Variants in DAB1 observed in about 807,000 individuals in gnomAD.
The protein encoded by DAB1 is disabled homolog 1.
In DAB1, 15 loss-of-function variants were observed where a neutral mutation model predicts 64.6. That is an observed-to-expected ratio of 0.23 (90% CI 0.16 to 0.36). The LOEUF is 0.36. Among genes scored for constraint, DAB1 ranks in the 10% least tolerant of loss-of-function variants. DAB1 has a pLI of 1.00. For synonymous variants in DAB1, 235 were observed against 251.9 expected (o/e 0.93, Z 0.64); for missense variants, 596 against 706.7 (o/e 0.84, Z 1.78).
At chr1:57,431,809 T>C (rs1425409207) in intron 7 of DAB1, among the ~76,000 whole-genome samples, 2 of 151,964 alleles carry the variant, frequency 1.3e-5, no homozygotes, top group Non-Finnish European at 2.9e-5. Context: ...TGCCTGAAAA[T>C]AGGAGTAGAC....
intron 4 of DAB1, among the ~76,000 whole-genome samples, chr1:58,261,926 T>C (rs927716436): frequency 6.6e-6 from 1 of 152,160 alleles, no homozygotes; most frequent in Non-Finnish European, 1.5e-5. Flanking sequence ...AACCTGTTCA[T>C]GGATTTTTAA....
intron 4 of DAB1, among the ~76,000 whole-genome samples, chr1:57,111,151 C>T (rs1324677563): frequency 6.6e-6 from 1 of 151,738 alleles, no homozygotes; most frequent in Non-Finnish European, 1.5e-5. Flanking sequence ...CCTTGGATGG[C>T]GGATATGGGA....
At position 57,590,499 on chromosome 1, in the gene DAB1, T is replaced by C. The variant is rs143519347; in HGVS notation, n.625+59093A>G. ...CATGCTCAGCTAATTTTTTTGTTTG[T>C]TTTTTGTATTTTTAGTAGAGATGGG... On this transcript the variant is annotated intron_variant and non_coding_transcript_variant, in intron 7 of 20. Transcript: ENST00000485760. 3.2e-3 allele frequency among the ~76,000 whole-genome samples: 485 copies of C among 151,814 alleles called. 5 individuals carry two copies. The highest frequency in any genetic ancestry group is 0.012 in the African/African-American group (476 of 41,380).
At chr1:57,489,460 A>T (rs758477108) in intron 7 of DAB1, among the ~76,000 whole-genome samples, 1 of 152,172 alleles carries the variant, frequency 6.6e-6, no homozygotes, top group Non-Finnish European at 1.5e-5. Flanking sequence ...TTGGTCTTTA[A>T]AACTGTCTTC....
chr1:58,036,854 C>T (rs1211600947), intron 5 of DAB1, among the ~76,000 whole-genome samples: 1 of 152,196 alleles, frequency 6.6e-6, no homozygotes, highest in African/African-American at 2.4e-5. Flanking sequence ...TTATCTTCTT[C>T]TCCCTAGATA....
chr1:58,000,995 C>A (rs567292160), intron 5 of DAB1, among the ~76,000 whole-genome samples: 2 of 151,986 alleles, frequency 1.3e-5, no homozygotes, highest in Admixed American at 1.3e-4. Flanking sequence ...CCCTACCTAC[C>A]CTTTCTTCTC....
At chr1:57,278,989 C>G (rs931954262) in intron 2 of DAB1, among the ~76,000 whole-genome samples, 3 of 152,174 alleles carry the variant, frequency 2.0e-5, no homozygotes, top group Admixed American at 1.3e-4. Flanking sequence ...TAGTAGCTAC[C>G]TTCATCACCA....
chr1:58,111,144 T>A (rs1012242440), intron 5 of DAB1, among the ~76,000 whole-genome samples: 1 of 152,306 alleles, frequency 6.6e-6, no homozygotes, highest in Admixed American at 6.5e-5. Flanking sequence ...CAAATTCAGA[T>A]GGCACCCTAG....
At chr1:57,849,537 C>A (rs1653429951) in intron 1 of DAB1, among the ~76,000 whole-genome samples, 1 of 152,174 alleles carries the variant, frequency 6.6e-6, no homozygotes, top group South Asian at 2.1e-4. Context: ...TTCACAGAGT[C>A]TCAGGATGCA....
chr1:57,131,748 T>C (rs764229150), intron 4 of DAB1, among the ~76,000 whole-genome samples: 3 of 152,182 alleles, frequency 2.0e-5, no homozygotes, highest in Non-Finnish European at 2.9e-5. Flanking sequence ...CACAATTATC[T>C]ATCTATTTTG....
intron 7 of DAB1, among the ~76,000 whole-genome samples, chr1:57,455,752 A>C (rs1686565781): frequency 6.6e-6 from 1 of 152,112 alleles, no homozygotes; most frequent in Non-Finnish European, 1.5e-5. Flanking sequence ...CATCATTCAT[A>C]ATCCTGTTGA....
At chr1:57,626,646 T>C (rs1315382098) in intron 7 of DAB1, among the ~76,000 whole-genome samples, 1 of 152,190 alleles carries the variant, frequency 6.6e-6, no homozygotes, top group Non-Finnish European at 1.5e-5. Context: ...TTTTTCATAG[T>C]TCTGGAGGCT....
Position 58,399,370 on chromosome 1 carries a change from A to G in DAB1, n.258-55967T>C, listed in dbSNP as rs761400214. Among the ~76,000 whole-genome samples, 137 of 152,296 alleles carry G rather than the reference A, an allele frequency of 9.0e-4. 2 individuals carry two copies. The Middle Eastern group carries it at 0.027, about 30-fold the overall frequency. On this transcript the variant is annotated intron_variant and non_coding_transcript_variant, in intron 3 of 20. Transcript: ENST00000485760. The stretch of plus-strand genomic sequence containing the variant: ...GACTTGCTCAAGGTTACGACCAGTG[A>G]CAGAAGCAGGGCTGGGATCCAAGCC...
intron 1 of DAB1, chr1:58,539,168 C>G: frequency 1.1e-6 from 1 of 872,952 alleles, no homozygotes; most frequent in Non-Finnish European, 2.0e-6. Flanking sequence ...ATATGGTTAA[C>G]TTGTACTTGA....
chr1:57,218,475 T>C (rs1176181063), intron 2 of DAB1, among the ~76,000 whole-genome samples: 1 of 138,536 alleles, frequency 7.2e-6, no homozygotes, highest in South Asian at 2.3e-4. Flanking sequence ...GGCTCAGGAG[T>C]TTGAGGCCAA....
At chr1:57,085,988 G>C (rs1319285302) in intron 4 of DAB1, among the ~76,000 whole-genome samples, 1 of 152,144 alleles carries the variant, frequency 6.6e-6, no homozygotes, top group Non-Finnish European at 1.5e-5. Context: ...GACTTGCAGA[G>C]CTATAAAACA....
intron 7 of DAB1, among the ~76,000 whole-genome samples, chr1:57,511,973 C>T (rs1644410589): frequency 1.3e-5 from 2 of 152,114 alleles, no homozygotes; most frequent in Non-Finnish European, 2.9e-5. Context: ...ACTTACTCTG[C>T]CAGATACAGT....
intron 6 of DAB1, among the ~76,000 whole-genome samples, chr1:57,801,665 T>A (rs926706820): frequency 5.9e-5 from 9 of 152,210 alleles, no homozygotes; most frequent in East Asian, 5.8e-4. Context: ...TATTTTTTTT[T>A]ATTTTTTTTT....
chr1:57,441,080 T>C (rs1368527967), intron 7 of DAB1, among the ~76,000 whole-genome samples: 2 of 151,964 alleles, frequency 1.3e-5, no homozygotes, highest in Non-Finnish European at 2.9e-5. Context: ...CAAAAAAAAA[T>C]AGACATTGTT....
Sources: allele counts gnomAD v4.1 joint callset (sites outside exome capture counted in the v4.1 genomes callset), GRCh38; gene constraint gnomAD v4.1.1; transcripts MANE v1.5; gene names NCBI Gene and HGNC (gene_info 2026-07-23, HGNC 2026-07-21).